Variants in HIVEP3 observed in about 807,000 individuals in gnomAD.
The protein encoded by HIVEP3 is HIVEP zinc finger 3.
In HIVEP3, 49 loss-of-function variants were observed where a neutral mutation model predicts 152.8. The ratio of observed to expected loss-of-function variants is 0.32; its 90% CI spans 0.26 to 0.41. The LOEUF is 0.41. HIVEP3 is among the 10% of genes least tolerant of loss of function. The pLI is 1.00. For synonymous variants in HIVEP3, 1,269 were observed against 1,289.0 expected (o/e 0.98, Z 0.33); for missense variants, 2,790 against 3,103.3 (o/e 0.90, Z 2.40).
At chr1:41,647,990 C>G (rs1208049667) in intron 2 of HIVEP3, among the ~76,000 whole-genome samples, 1 of 152,244 alleles carries the variant, frequency 6.6e-6, no homozygotes, top group Non-Finnish European at 1.5e-5. Flanking sequence ...TGAGCCTTGC[C>G]AGCCTGCTCA....
intron 1 of HIVEP3, among the ~76,000 whole-genome samples, chr1:41,777,882 C>T (rs1045992375): frequency 6.6e-6 from 1 of 152,180 alleles, no homozygotes; most frequent in Admixed American, 6.5e-5. Context: ...TAAAAGGTAT[C>T]ATGTGGCCCC....
intron 6 of HIVEP3, among the ~76,000 whole-genome samples, chr1:41,524,474 G>T (rs1477035543): frequency 6.6e-6 from 1 of 152,164 alleles, no homozygotes; most frequent in African/African-American, 2.4e-5. Context: ...ACCAGGCTGG[G>T]CAGGCCAGGG....
chr1:41,624,495 C>T (rs563693916), intron 3 of HIVEP3, among the ~76,000 whole-genome samples: 4 of 152,240 alleles, frequency 2.6e-5, no homozygotes, highest in East Asian at 1.9e-4. Flanking sequence ...TGACCTTCAC[C>T]GTTGAAATGT....
rs567607454 is a variant in HIVEP3, at chr1:41,853,393, G to C, written c.-801+65020C>G. 9.2e-5 allele frequency among the ~76,000 whole-genome samples: 14 copies of C among 152,272 alleles called. No homozygotes were observed. In the South Asian group the frequency reaches 2.9e-3, roughly 32 times the overall value. On this transcript the variant is annotated intron_variant, in intron 1 of 8. Transcript: ENST00000372583. ...TTTACAATCATGGTGAAAGGTGAAG[G>C]GGAAGCAAGGCACCCTCTTCACAAG...
intron 2 of HIVEP3, among the ~76,000 whole-genome samples, chr1:41,632,061 CCCAA>C (rs1241917038): frequency 1.3e-5 from 2 of 152,082 alleles, no homozygotes; most frequent in Non-Finnish European, 2.9e-5. Context: ...TCCAGAATAC[CCCAA>C]GCACATTTGC....
intron 1 of HIVEP3, among the ~76,000 whole-genome samples, chr1:41,805,950 G>T (rs549903367): frequency 6.6e-6 from 1 of 152,280 alleles, no homozygotes; most frequent in South Asian, 2.1e-4. Context: ...CAGGTCCTGA[G>T]CCTGATTCCC....
intron 5 of HIVEP3, among the ~76,000 whole-genome samples, chr1:41,527,408 TCA>T (rs1460446629): frequency 8.2e-5 from 9 of 110,064 alleles, no homozygotes; most frequent in African/African-American, 3.3e-4. Flanking sequence ...CACCCTGCCC[TCA>T]CACTCACCTT....
chr1:41,743,480 G>A (rs1364417661), intron 1 of HIVEP3, among the ~76,000 whole-genome samples: 1 of 152,218 alleles, frequency 6.6e-6, no homozygotes, highest in African/African-American at 2.4e-5. Flanking sequence ...CTGGTGAGTA[G>A]CTGTTTGGTG....
intron 1 of HIVEP3, among the ~76,000 whole-genome samples, chr1:41,868,022 C>G (rs983893357): frequency 7.9e-5 from 12 of 151,554 alleles, no homozygotes; most frequent in African/African-American, 2.7e-4. Context: ...CCATGGTCAT[C>G]CAGGTCCTAT....
intron 3 of HIVEP3, among the ~76,000 whole-genome samples, chr1:41,624,904 G>A (rs576090471): frequency 2.6e-5 from 4 of 152,262 alleles, no homozygotes; most frequent in Admixed American, 6.5e-5. Context: ...GGTGGCTCAC[G>A]CCTGTAATCC....
intron 3 of HIVEP3, among the ~76,000 whole-genome samples, chr1:41,613,701 C>A (rs1047149342): frequency 2.0e-5 from 3 of 152,176 alleles, no homozygotes; most frequent in African/African-American, 7.2e-5. Context: ...TATTGAGATA[C>A]AATTCACATA....
At chr1:41,759,512 A>G (rs527871207) in intron 1 of HIVEP3, among the ~76,000 whole-genome samples, 11 of 152,288 alleles carry the variant, frequency 7.2e-5, no homozygotes, top group African/African-American at 2.2e-4. Flanking sequence ...TTCATGTACA[A>G]GTTTTTCTTT....
At chr1:41,823,323 C>T (rs1360400371) in intron 1 of HIVEP3, among the ~76,000 whole-genome samples, 2 of 152,206 alleles carry the variant, frequency 1.3e-5, no homozygotes, top group South Asian at 2.1e-4. Flanking sequence ...CCAAAGACTG[C>T]ATTGTATGCT....
chr1:41,588,618 G>C (rs1243579005), intron 3 of HIVEP3, among the ~76,000 whole-genome samples: 4 of 152,246 alleles, frequency 2.6e-5, no homozygotes, highest in Middle Eastern at 3.4e-3. Context: ...TCAGTGTCCA[G>C]CCTGCACCTG....
At chr1:41,747,784 G>C (rs2124217710) in intron 1 of HIVEP3, among the ~76,000 whole-genome samples, 1 of 152,292 alleles carries the variant, frequency 6.6e-6, no homozygotes, top group South Asian at 2.1e-4. Flanking sequence ...CTTACTGATA[G>C]ACTATTGCTG....
At chr1:41,585,518 C>G (rs529514860) in intron 3 of HIVEP3, among the ~76,000 whole-genome samples, 200 bp from the exon 4 acceptor site, 3 of 152,244 alleles carry the variant, frequency 2.0e-5, no homozygotes, top group East Asian at 3.9e-4. Context: ...TTTCCTCCCC[C>G]GCTCCCATGT....
chr1:41,661,171 G>A (rs1021871282), intron 2 of HIVEP3, among the ~76,000 whole-genome samples: 7 of 152,164 alleles, frequency 4.6e-5, no homozygotes, highest in Non-Finnish European at 1.0e-4. Flanking sequence ...TGAAAGAGAC[G>A]AACGAGTCTG....
At chr1:41,656,563 ATTTGAACT>A (rs1402444505) in intron 2 of HIVEP3, among the ~76,000 whole-genome samples, 1 of 152,120 alleles carries the variant, frequency 6.6e-6, no homozygotes, top group African/African-American at 2.4e-5. Flanking sequence ...ATTCCTGGGT[ATTTGAACT>A]TGGGCACTGA....
At chr1:41,986,238 G>A (rs1645321788) in intron 1 of HIVEP3, among the ~76,000 whole-genome samples, 1 of 152,188 alleles carries the variant, frequency 6.6e-6, no homozygotes, top group South Asian at 2.1e-4. Context: ...ATGTTCAGAA[G>A]TGGAAGGAAA....
Sources: allele counts gnomAD v4.1 joint callset (sites outside exome capture counted in the v4.1 genomes callset), GRCh38; gene constraint gnomAD v4.1.1; transcripts MANE v1.5; gene names NCBI Gene and HGNC (gene_info 2026-07-23, HGNC 2026-07-21).